ZNG1A: variants seen among roughly 807,000 people sequenced by gnomAD.
ZNG1A encodes the protein Zn regulated GTPase metalloprotein activator 1A.
chr9:158,775 C>T, the ZNG1A span, among the ~76,000 whole-genome samples: 14 of 151,576 alleles, frequency 9.2e-5, no homozygotes, highest in African/African-American at 3.2e-4. Context: ...TATATGTAAT[C>T]ATATACCATT....
chr9:168,947 G>T, the ZNG1A span, among the ~76,000 whole-genome samples: 1 of 152,110 alleles, frequency 6.6e-6, no homozygotes, highest in African/African-American at 2.4e-5. Context: ...AGATGTACAA[G>T]ATTAATGTTG....
chr9:175,960 C>T, the ZNG1A span, among the ~76,000 whole-genome samples: 1 of 149,814 alleles, frequency 6.7e-6, no homozygotes, highest in Non-Finnish European at 1.5e-5. Context: ...TTGCAAAATA[C>T]TTTATGTAGA....
the ZNG1A span, among the ~76,000 whole-genome samples, chr9:178,181 A>C: frequency 4.0e-5 from 6 of 150,758 alleles, no homozygotes; most frequent in East Asian, 1.2e-3. Flanking sequence ...TACCAAGTTC[A>C]CAAACTTGTG....
the ZNG1A span, among the ~76,000 whole-genome samples, chr9:156,836 CAT>C: frequency 6.6e-6 from 1 of 152,094 alleles, no homozygotes; most frequent in Non-Finnish European, 1.5e-5. Flanking sequence ...GTCATAAAAA[CAT>C]AGAAGATTAC....
At chr9:175,667 T>G in the ZNG1A span, 1 of 1,545,116 alleles carries the variant, frequency 6.5e-7, no homozygotes, top group South Asian at 1.2e-5. Context: ...CACAAAATCT[T>G]GCAACATGAC....
chr9:121,685 A>T, the ZNG1A span: 1 of 1,288,514 alleles, frequency 7.8e-7, no homozygotes, highest in Non-Finnish European at 1.1e-6. Flanking sequence ...ATTTACAAAA[A>T]GAATAGTAAT....
At chr9:153,711 T>C in the ZNG1A span, 19 of 151,354 alleles carry the variant, frequency 1.3e-4, no homozygotes, top group East Asian at 3.7e-3. Flanking sequence ...AAATATGAAT[T>C]TCTTTCTTCC....
chr9:165,189 TTTAA>T, the ZNG1A span, among the ~76,000 whole-genome samples: 107 of 152,254 alleles, frequency 7.0e-4, no homozygotes, highest in Middle Eastern at 3.4e-3. Context: ...AAAACATGAT[TTTAA>T]TTAATGAGGG....
the ZNG1A span, among the ~76,000 whole-genome samples, chr9:145,594 T>C: frequency 6.7e-6 from 1 of 150,206 alleles, no homozygotes; most frequent in Non-Finnish European, 1.5e-5. Context: ...ATATAACTAA[T>C]GCTAGATGAC....
chr9:171,810 T>C, the ZNG1A span: 9 of 453,158 alleles, frequency 2.0e-5, 1 homozygote, highest in Admixed American at 2.9e-4. Context: ...TGTCCTTATT[T>C]TTAACAACTT....
At chr9:157,355 C>A in the ZNG1A span, among the ~76,000 whole-genome samples, 1 of 138,126 alleles carries the variant, frequency 7.2e-6, no homozygotes, top group Non-Finnish European at 1.5e-5. Context: ...AGCTTCTTCT[C>A]TGGGAAATTA....
chr9:139,640 T>C, the ZNG1A span, among the ~76,000 whole-genome samples: 3 of 151,782 alleles, frequency 2.0e-5, no homozygotes, highest in Admixed American at 6.6e-5. Context: ...ATTATTAAAG[T>C]GAACAGAGGA....
At chr9:149,311 T>A in the ZNG1A span, 11 of 150,976 alleles carry the variant, frequency 7.3e-5, no homozygotes, top group African/African-American at 2.5e-4. Context: ...AAGTTCTCTA[T>A]CTCTTCAGTC....
chr9:152,575 C>G, the ZNG1A span, among the ~76,000 whole-genome samples: 1 of 151,546 alleles, frequency 6.6e-6, no homozygotes, highest in Non-Finnish European at 1.5e-5. Context: ...GTCACACATC[C>G]CAGGTTCCTT....
the ZNG1A span, among the ~76,000 whole-genome samples, chr9:125,189 C>G: frequency 1.3e-5 from 2 of 151,466 alleles, no homozygotes; most frequent in South Asian, 2.1e-4. Context: ...AGAAGTGTTC[C>G]GTGTTCACCA....
At chr9:177,975 G>C in the ZNG1A span, among the ~76,000 whole-genome samples, 1 of 148,770 alleles carries the variant, frequency 6.7e-6, no homozygotes, top group African/African-American at 2.5e-5. Context: ...GTCTGTACCT[G>C]TCTCTAGCAA....
the ZNG1A span, chr9:154,772 A>G: frequency 1.3e-6 from 2 of 1,594,720 alleles, no homozygotes; most frequent in African/African-American, 2.7e-5. Context: ...ATTAATGAGA[A>G]TGGCATCTGC....
chr9:163,940 A>G, the ZNG1A span: 1 of 1,571,436 alleles, frequency 6.4e-7, no homozygotes, highest in Non-Finnish European at 8.6e-7. Flanking sequence ...AAAAAAAAAA[A>G]AACAAGAAAG....
chr9:121,368 T>C, the ZNG1A span: 5 of 778,810 alleles, frequency 6.4e-6, no homozygotes, highest in African/African-American at 1.7e-5. Flanking sequence ...TTAAAGTATA[T>C]TGGAATTCGT....
Sources: gnomAD v4.1 joint callset for allele counts (sites outside exome capture counted in the v4.1 genomes callset) on GRCh38, gnomAD v4.1.1 for gene constraint, MANE v1.5 for transcripts, NCBI Gene and HGNC (gene_info 2026-07-23, HGNC 2026-07-21) for gene names.